The following MYO3A variants were observed in gnomAD, a reference collection of about 807,000 sequenced individuals.
MYO3A encodes the protein myosin IIIA, also known as myosin-IIIa.
A neutral mutation model predicts 192.7 loss-of-function variants in MYO3A; 180 were observed. The ratio of observed to expected loss-of-function variants is 0.93; its 90% CI spans 0.83 to 1.06. The LOEUF (loss-of-function observed/expected upper bound fraction) is 1.06. Ranked by LOEUF, MYO3A falls within the 50% of genes least tolerant of loss-of-function variation. MYO3A has a pLI of 0.00. For synonymous variants in MYO3A, 628 were observed against 645.3 expected (o/e 0.97, Z 0.41); for missense variants, 1,896 against 1,905.0 (o/e 1.00, Z 0.09).
chr10:26,209,170 C>T (rs956011804), intron 34 of MYO3A, among the ~76,000 whole-genome samples: 9 of 152,144 alleles, frequency 5.9e-5, no homozygotes, highest in Non-Finnish European at 1.3e-4. Context: ...TATCTACTTC[C>T]CTCAGGATTC....
intron 9 of MYO3A, among the ~76,000 whole-genome samples, chr10:26,025,884 G>A (rs1312735305): frequency 6.6e-6 from 1 of 152,216 alleles, no homozygotes; most frequent in Non-Finnish European, 1.5e-5. Flanking sequence ...CCTTAGCTGA[G>A]TGGCCTTCTC....
chr10:25,970,038 C>G (rs549054815), intron 4 of MYO3A, among the ~76,000 whole-genome samples: 32 of 151,810 alleles, frequency 2.1e-4, no homozygotes, highest in Admixed American at 1.8e-3. Context: ...TGCTTAATAA[C>G]AAAGCTTTAA....
intron 11 of MYO3A, 70 bp downstream of exon 11, chr10:26,067,144 T>G (rs1354833558): frequency 1.0e-6 from 1 of 982,758 alleles, no homozygotes; most frequent in Non-Finnish European, 1.6e-6. Context: ...ACACGGGTAT[T>G]GGTAGAAGGG....
At chr10:26,099,397 T>G (rs1280681576) in intron 17 of MYO3A, among the ~76,000 whole-genome samples, 1 of 152,222 alleles carries the variant, frequency 6.6e-6, no homozygotes, top group Non-Finnish European at 1.5e-5. Context: ...TTGAATACCC[T>G]TTATTTCCTT....
At position 26,098,623 on chromosome 10, in the gene MYO3A, T is replaced by C. The variant is rs189467807; in HGVS notation, c.1776+1941T>C. ...AGGAAGGGATCCAGTTTCAACTTTC[T>C]ACATATGGCTAGCCAATTTTCCCAG... On this transcript the variant is annotated intron_variant, in intron 17 of 34. Coordinates refer to ENST00000642920, the MANE Select transcript of MYO3A (RefSeq NM_017433.5). 2.1e-4 allele frequency among the ~76,000 whole-genome samples: 32 copies of C among 152,374 alleles called. 1 individual carries two copies. Among genetic ancestry groups the C allele is most frequent in the African/African-American group, 7.5e-4 (31 of 41,590 alleles).
chr10:26,104,976 TTC>T (rs1416586224), intron 17 of MYO3A, among the ~76,000 whole-genome samples: 3 of 151,974 alleles, frequency 2.0e-5, no homozygotes, highest in African/African-American at 4.8e-5. Context: ...ACACACACTT[TTC>T]TATATCTGAT....
intron 23 of MYO3A, among the ~76,000 whole-genome samples, chr10:26,151,761 G>A (rs114984477): frequency 0.012 from 1,776 of 152,318 alleles, 29 homozygotes; most frequent in African/African-American, 0.035. Flanking sequence ...CTTTACCTGA[G>A]TTCCCTCACT....
At chr10:26,143,820 G>A (rs1050991645) in intron 21 of MYO3A, among the ~76,000 whole-genome samples, 3 of 152,166 alleles carry the variant, frequency 2.0e-5, no homozygotes, top group Admixed American at 6.5e-5. Flanking sequence ...TTAAATATTG[G>A]ACTTCTCCTT....
At chr10:26,014,243 CAAAT>C (rs1006517026) in intron 6 of MYO3A, among the ~76,000 whole-genome samples, 20 of 151,998 alleles carry the variant, frequency 1.3e-4, no homozygotes, top group Admixed American at 1.1e-3. Context: ...ATTCATGTAA[CAAAT>C]AAACACATGT....
At chr10:26,026,337 A>C (rs1195242897) in intron 9 of MYO3A, 40 bp from the exon 10 acceptor site, 2 of 1,609,022 alleles carry the variant, frequency 1.2e-6, no homozygotes, top group Non-Finnish European at 1.7e-6. Context: ...TCAAAACTCT[A>C]ACTTATCTAA....
At chr10:26,198,621 C>G (rs887699139) in intron 32 of MYO3A, among the ~76,000 whole-genome samples, 4 of 152,160 alleles carry the variant, frequency 2.6e-5, no homozygotes. Flanking sequence ...TTGTGCTCAC[C>G]ATGATGTAAT....
chr10:26,093,627 C>G (rs1225460118), intron 15 of MYO3A, among the ~76,000 whole-genome samples: 1 of 152,194 alleles, frequency 6.6e-6, no homozygotes, highest in African/African-American at 2.4e-5. Flanking sequence ...CATCCAGTCT[C>G]ACATTGTATA....
chr10:26,192,488 A>C (rs192104671), intron 31 of MYO3A, among the ~76,000 whole-genome samples: 213 of 152,268 alleles, frequency 1.4e-3, no homozygotes, highest in Non-Finnish European at 2.5e-3. Context: ...GGGAAGGGAC[A>C]GAAGAGGTTC....
Position 26,138,141 on chromosome 10 carries a change from C to T in MYO3A, c.2263-5307C>T, listed in dbSNP as rs192865577. Among the ~76,000 whole-genome samples, 18 of 152,300 alleles carry T rather than the reference C, an allele frequency of 1.2e-4. No homozygotes were observed. In the East Asian group the frequency reaches 3.5e-3, roughly 29 times the overall value. ...ACTCCCTGTTCTTGCACTGCCTCCC[C>T]TTTTGAAATCCTTAATAAAACTTGC... On this transcript the variant is annotated intron_variant, in intron 20 of 34. Transcript: ENST00000642920.
intron 31 of MYO3A, among the ~76,000 whole-genome samples, chr10:26,179,983 G>A (rs895928160): frequency 6.6e-5 from 10 of 152,030 alleles, no homozygotes; most frequent in South Asian, 4.2e-4. Context: ...ACAAACGTGC[G>A]GCACCACGCC....
intron 28 of MYO3A, 57 bp from the exon 29 acceptor site, chr10:26,170,359 A>G: frequency 6.3e-7 from 1 of 1,582,222 alleles, no homozygotes; most frequent in East Asian, 2.3e-5. Context: ...TACTCTTTAA[A>G]GTAAATTTCT....
At chr10:26,142,341 C>G (rs1034931867) in intron 20 of MYO3A, among the ~76,000 whole-genome samples, 1 of 152,200 alleles carries the variant, frequency 6.6e-6, no homozygotes, top group African/African-American at 2.4e-5. Context: ...CACACATGTA[C>G]TCTGTCTGAC....
intron 17 of MYO3A, 57 bp from the exon 18 acceptor site, chr10:26,120,619 A>G: frequency 6.2e-7 from 1 of 1,610,198 alleles, no homozygotes; most frequent in Non-Finnish European, 8.5e-7. Context: ...AGCCATAGTC[A>G]CTGGTTGGCT....
intron 2 of MYO3A, among the ~76,000 whole-genome samples, chr10:25,940,572 C>T (rs887417786): frequency 2.0e-5 from 3 of 151,968 alleles, no homozygotes; most frequent in Non-Finnish European, 2.9e-5. Flanking sequence ...ACCTTTCTTG[C>T]GGGATCATTG....
Sources: gnomAD v4.1 joint callset for allele counts (sites outside exome capture counted in the v4.1 genomes callset) on GRCh38, gnomAD v4.1.1 for gene constraint, MANE v1.5 for transcripts, NCBI Gene and HGNC (gene_info 2026-07-23, HGNC 2026-07-21) for gene names.